Variants in VAV3 observed in about 807,000 individuals in gnomAD.
The protein encoded by VAV3 is vav guanine nucleotide exchange factor 3, also known as guanine nucleotide exchange factor VAV3.
In VAV3, 94 loss-of-function variants were observed where a neutral mutation model predicts 131.2. The observed-to-expected ratio is 0.72, with a 90% CI of 0.61 to 0.85. The LOEUF is 0.85. Among genes scored for constraint, VAV3 ranks in the 40% least tolerant of loss-of-function variants. VAV3 has a pLI of 0.00. For missense variants in VAV3, 939 were observed against 1,002.7 expected (o/e 0.94, Z 0.86); for synonymous variants, 349 against 342.0 (o/e 1.02, Z -0.22).
At chr1:107,621,089 A>ATTTTTT (rs5776895) in intron 20 of VAV3, among the ~76,000 whole-genome samples, 2 of 147,340 alleles carry the variant, frequency 1.4e-5, no homozygotes, top group Non-Finnish European at 3.0e-5. Flanking sequence ...ATCAAAACTC[A>ATTTTTT]TTTTTTTTTT....
intron 2 of VAV3, among the ~76,000 whole-genome samples, chr1:107,786,052 T>C (rs991871949): frequency 1.3e-5 from 2 of 152,194 alleles, no homozygotes; most frequent in Admixed American, 1.3e-4. Flanking sequence ...TGGGATGCTG[T>C]TGAAAAATGT....
chr1:107,871,845 G>A (rs183346074), intron 2 of VAV3, among the ~76,000 whole-genome samples: 137 of 152,232 alleles, frequency 9.0e-4, no homozygotes, highest in Non-Finnish European at 1.1e-3. Context: ...GAGAAAAGGG[G>A]TAAGAGAGTA....
chr1:107,879,474 A>C (rs948374543), intron 1 of VAV3, among the ~76,000 whole-genome samples: 1 of 152,194 alleles, frequency 6.6e-6, no homozygotes, highest in Non-Finnish European at 1.5e-5. Flanking sequence ...CAAAAAGAAA[A>C]TTGAGATAAC....
intron 3 of VAV3, among the ~76,000 whole-genome samples, chr1:107,778,331 A>G (rs1665481267): frequency 6.6e-6 from 1 of 152,186 alleles, no homozygotes; most frequent in Non-Finnish European, 1.5e-5. Context: ...GAAAATATAG[A>G]TGAGAAAAAA....
At chr1:107,820,567 C>T (rs1478040554) in intron 2 of VAV3, among the ~76,000 whole-genome samples, 1 of 151,872 alleles carries the variant, frequency 6.6e-6, no homozygotes, top group Middle Eastern at 3.2e-3. Flanking sequence ...AGAGTGATTA[C>T]AGTTACTAAA....
Position 107,793,944 on chromosome 1 carries a change from C to T in VAV3, c.322-14452G>A, listed in dbSNP as rs145400046. Among the ~76,000 whole-genome samples the T allele has an allele frequency of 4.4e-3, 666 of 152,360 alleles. 5 individuals carry two copies. The highest frequency in any genetic ancestry group is 0.015 in the African/African-American group (639 of 41,588). On this transcript the variant is annotated intron_variant, in intron 2 of 26. Transcript: ENST00000370056. ...TCCACTTGACTTGCGTACTGCTGGA[C>T]ACGCCAAATCCCAGAGACGCAGATC...
chr1:107,873,045 A>G (rs961694082), intron 2 of VAV3, among the ~76,000 whole-genome samples: 3 of 152,202 alleles, frequency 2.0e-5, no homozygotes, highest in African/African-American at 7.2e-5. Context: ...CAATCTTGGC[A>G]GTAGCAAAAT....
At chr1:107,704,743 T>A in intron 16 of VAV3, 93 bp from the exon 17 acceptor site, 1 of 1,129,536 alleles carries the variant, frequency 8.9e-7, no homozygotes, top group Non-Finnish European at 1.3e-6. Context: ...GTATCAACAG[T>A]GCTCTTCAAG....
At chr1:107,688,460 A>C in intron 17 of VAV3, 54 bp from the exon 18 acceptor site, 6 of 1,609,574 alleles carry the variant, frequency 3.7e-6, no homozygotes, top group Non-Finnish European at 5.1e-6. Context: ...TTGTTTGGTT[A>C]GCAACCTTAG....
chr1:107,834,771 C>A (rs1668398310), intron 2 of VAV3, among the ~76,000 whole-genome samples: 2 of 152,156 alleles, frequency 1.3e-5, no homozygotes, highest in South Asian at 4.1e-4. Context: ...AGGAAGGAAG[C>A]TGGGAACTCT....
At chr1:107,726,399 T>G (rs1388868624) in intron 15 of VAV3, among the ~76,000 whole-genome samples, 1 of 152,228 alleles carries the variant, frequency 6.6e-6, no homozygotes, top group East Asian at 1.9e-4. Flanking sequence ...ATACTTTTCA[T>G]GGAGAGGTGT....
intron 2 of VAV3, chr1:107,785,546 C>A (rs370303613): frequency 7.9e-7 from 1 of 1,263,318 alleles, no homozygotes; most frequent in East Asian, 6.5e-5. Context: ...AAGGGGTCCA[C>A]GGCATCACAC....
intron 1 of VAV3, among the ~76,000 whole-genome samples, chr1:107,876,058 G>A (rs1417382330): frequency 6.6e-6 from 1 of 152,146 alleles, no homozygotes; most frequent in Non-Finnish European, 1.5e-5. Context: ...ATCAGGAAAA[G>A]AGGAGGAGCT....
chr1:107,916,311 A>C (rs1227487590), intron 1 of VAV3, among the ~76,000 whole-genome samples: 1 of 152,240 alleles, frequency 6.6e-6, no homozygotes, highest in Non-Finnish European at 1.5e-5. Flanking sequence ...TTTTATCAGA[A>C]AAATATGAAT....
chr1:107,813,651 T>C (rs2102337677), intron 2 of VAV3, among the ~76,000 whole-genome samples: 1 of 152,144 alleles, frequency 6.6e-6, no homozygotes, highest in East Asian at 1.9e-4. Context: ...AAAAATGTAA[T>C]GCATTATTAA....
chr1:107,668,752 G>C (rs1328162109), intron 19 of VAV3: 1 of 983,672 alleles, frequency 1.0e-6, no homozygotes, highest in Admixed American at 6.2e-5. Flanking sequence ...TTAAATGAAT[G>C]TAGGTGTTTC....
intron 1 of VAV3, among the ~76,000 whole-genome samples, chr1:107,876,086 AAG>A (rs1557896322): frequency 6.6e-6 from 1 of 152,194 alleles, no homozygotes; most frequent in Admixed American, 6.5e-5. Context: ...GAGTCTTAGT[AAG>A]AGTGACCAGT....
intron 1 of VAV3, among the ~76,000 whole-genome samples, chr1:107,903,984 A>G (rs550211751): frequency 1.4e-4 from 22 of 152,068 alleles, no homozygotes; most frequent in Admixed American, 9.2e-4. Context: ...GCAGCTGGAT[A>G]CTCTAACACT....
At chr1:107,727,546 A>C (rs1017782929) in intron 15 of VAV3, among the ~76,000 whole-genome samples, 4 of 152,250 alleles carry the variant, frequency 2.6e-5, no homozygotes, top group Non-Finnish European at 4.4e-5. Flanking sequence ...CATTTGCCAA[A>C]TGAATTTAAA....
Sources: gnomAD v4.1 joint callset for allele counts (sites outside exome capture counted in the v4.1 genomes callset) on GRCh38, gnomAD v4.1.1 for gene constraint, MANE v1.5 for transcripts, NCBI Gene and HGNC (gene_info 2026-07-23, HGNC 2026-07-21) for gene names.